The following UGDH variants were observed in gnomAD, a reference collection of about 807,000 sequenced individuals.
UGDH encodes UDP-Glc dehydrogenase.
Under a neutral mutation model 50.6 loss-of-function variants are expected in UGDH, and 38 were observed. That is an observed-to-expected ratio of 0.75 (90% CI 0.58 to 0.98). The LOEUF (loss-of-function observed/expected upper bound fraction) is 0.98. Ranked by LOEUF, UGDH falls within the 50% of genes least tolerant of loss-of-function variation. The pLI is 0.00. For synonymous variants in UGDH, 168 were observed against 199.9 expected, an observed-to-expected ratio of 0.84 and a Z score of 1.35; for missense variants, 465 against 606.2, an observed-to-expected ratio of 0.77 and a Z score of 2.45.
chr4:39,517,514 C>T (rs1276525484), intron 2 of UGDH, among the ~76,000 whole-genome samples: 2 of 152,080 alleles, frequency 1.3e-5, no homozygotes, highest in East Asian at 3.8e-4. Context: ...CCGGCCTAAA[C>T]TGTATTTTTT....
rs200881076 is a variant in UGDH at position 39,504,395 on chromosome 4, A to G, written c.1263+22T>C. The G allele has an allele frequency of 5.0e-6, 8 of 1,607,032 alleles. No individual in the cohort carries two copies. In the Admixed American group the frequency reaches 8.3e-5, roughly 17 times the overall value. ...GTGGAACACCTCTAGAATTTTCCTT[A>G]GTATCTTTTCTGTTACCTTACCTTA... is the stretch of plus-strand genomic sequence containing the variant. On this transcript the variant is annotated intron_variant, in intron 10 of 11. Transcript: ENST00000316423.
rs1047322157 is a variant in UGDH, at chr4:39,510,592, T to C, written c.466-42A>G. 9.9e-6 allele frequency: 16 copies of C among 1,613,718 alleles called. No homozygotes were observed. In the African/African-American group the frequency reaches 1.9e-4, roughly 19 times the overall value. On this transcript the variant is annotated intron_variant, in intron 4 of 11. Transcript: ENST00000316423. ...AAGGAAAGTTTTAAGCTAGAATTAA[T>C]TATGGGCAACTTTAACACATCAGTA...
At position 39,525,318 on chromosome 4, in the gene UGDH, C is replaced by T. The variant is rs551442975; in HGVS notation, c.-8+1965G>A. On this transcript the variant is annotated intron_variant, in intron 1 of 11. Coordinates refer to ENST00000316423, the MANE Select transcript of UGDH (RefSeq NM_003359.4). Reference sequence around the variant, plus strand: ...AAGCAATTCTCCTGCCTCAGCCTCCCGAGTAGCTGGGATTACAGGTGCCCA... The same window carrying T: ...AAGCAATTCTCCTGCCTCAGCCTCCTGAGTAGCTGGGATTACAGGTGCCCA... Among the ~76,000 whole-genome samples, 5 of 152,222 alleles carry T rather than the reference C, an allele frequency of 3.3e-5. No individual in the cohort carries two copies. In the East Asian group the frequency reaches 7.7e-4, roughly 24 times the overall value.
rs1162365973 is a variant in UGDH at position 39,503,939 on chromosome 4, A to G, written c.1310T>C (p.Phe437Ser). 1 of 1,614,196 alleles carries G rather than the reference A, an allele frequency of 6.2e-7. No homozygotes were observed. The highest frequency in any genetic ancestry group is 8.5e-7 in the Non-Finnish European group (1 of 1,180,026). ...CAGGACACGCCGTCCATCGAAGATA[A>G]AGGCTGGCTTTAGCATTTTTTTATG... ...RIHKKMLKPA[F>S]IFDGRRVLDG... The change falls in exon 11 of 12, where the codon TTT (phenylalanine) becomes TCT (serine). Residue 437 changes from phenylalanine to serine, a missense_variant. Phe to Ser is a radical substitution (Grantham distance 155). Coordinates refer to ENST00000316423, the MANE Select transcript of UGDH (RefSeq NM_003359.4).
chr4:39,521,179 A>G (rs1746645323), intron 2 of UGDH, among the ~76,000 whole-genome samples, 172 bp downstream of exon 2: 1 of 151,724 alleles, frequency 6.6e-6, no homozygotes, highest in African/African-American at 2.4e-5. Context: ...TTTCCTACCC[A>G]CATTACCCGA....
chr4:39,509,853 G>A lies in UGDH; in HGVS notation c.718C>T (p.Leu240=). The part of the protein sequence containing the change: ...RISSINSISA[L]CEATGADVEE... Reference sequence around the variant, plus strand: ...ACATCAGCTCCTGTTGCTTCACACAGAGCACTTATGGAGTTAATGCTGCTT... The same window carrying A: ...ACATCAGCTCCTGTTGCTTCACACAAAGCACTTATGGAGTTAATGCTGCTT... The change falls in exon 6 of 12, where the codon CTG becomes TTG. Residue 240 remains leucine (L), a synonymous_variant. Transcript: ENST00000316423. The A allele has an allele frequency of 6.2e-7, 1 of 1,612,498 alleles. No individual in the cohort carries two copies. Among genetic ancestry groups the A allele is most frequent in the Non-Finnish European group, 8.5e-7 (1 of 1,179,854 alleles).
At position 39,505,238 on chromosome 4, in the gene UGDH, T is replaced by C; in HGVS notation, c.1170A>G (p.Gln390=). The C allele has an allele frequency of 6.3e-7, 1 of 1,588,596 alleles. No homozygotes were observed. Among genetic ancestry groups the C allele is most frequent in the South Asian group, 1.2e-5 (1 of 83,030 alleles). The change falls in exon 9 of 12, where the codon CAA becomes CAG. Residue 390 remains glutamine, a splice_region_variant and synonymous_variant. Transcript: ENST00000316423. ...GATTCATGAGACTCAAAGCCTTACC[T>C]TGGTCATCCTCTGAAACACCTGGAT... ...LSHPGVSEDD[Q]VSRLVTISKD...
At chr4:39,521,892 T>A (rs551177191) in intron 1 of UGDH, among the ~76,000 whole-genome samples, 1 of 152,234 alleles carries the variant, frequency 6.6e-6, no homozygotes, top group Non-Finnish European at 1.5e-5. Context: ...AGGATGAACA[T>A]ACTTGTACGA....
At chr4:39,522,394 T>G (rs1006899978) in intron 1 of UGDH, among the ~76,000 whole-genome samples, 1 of 152,174 alleles carries the variant, frequency 6.6e-6, no homozygotes, top group Non-Finnish European at 1.5e-5. Context: ...ATTCACAGAT[T>G]CCAAAGAGAA....
chr4:39,503,854 AC>A lies in UGDH; in HGVS notation c.1374+20del, dbSNP rs1329221679. ...TAAAGACCAAACAAAAAGAAAAAAA[AC>A]AATCCAGGATCATGATTACCTGGAA... On this transcript the variant is annotated intron_variant, in intron 11 of 11. Coordinates refer to ENST00000316423, the MANE Select transcript of UGDH (RefSeq NM_003359.4). 1.2e-6 allele frequency: 2 copies of A among 1,605,228 alleles called. No homozygotes were observed. The highest frequency in any genetic ancestry group is 4.5e-5 in the East Asian group (2 of 44,808).
At chr4:39,521,855 C>T (rs1222186161) in intron 1 of UGDH, among the ~76,000 whole-genome samples, 1 of 152,160 alleles carries the variant, frequency 6.6e-6, no homozygotes, top group Non-Finnish European at 1.5e-5. Context: ...TACACTAGGA[C>T]AACTTTGATT....
At position 39,510,850 on chromosome 4, in the gene UGDH, T is replaced by C. The variant is rs779048436; in HGVS notation, c.276A>G (p.Pro92=). Residue 92 remains proline (P), a synonymous_variant, in exon 4 of 12, where the codon CCA becomes CCG. Transcript: ENST00000316423. ...ADLVFISVNT[P]TKTYGMGKGR... is the part of the protein sequence containing the mutation. ...CTTTCCCCATTCCATAGGTTTTTGT[T>C]GGAGTATTCACCTGATGTAAGTATA... is the stretch of plus-strand genomic sequence containing the variant. The C allele has an allele frequency of 5.6e-6, 9 of 1,614,048 alleles. No individual in the cohort carries two copies. Among genetic ancestry groups the C allele is most frequent in the Non-Finnish European group, 7.6e-6 (9 of 1,180,040 alleles).
chr4:39,504,265 G>A (rs1283720299), intron 10 of UGDH, 152 bp downstream of exon 10: 20 of 682,408 alleles, frequency 2.9e-5, no homozygotes, highest in East Asian at 1.7e-4. Context: ...CCGAGATTGC[G>A]CCACTGCACT....
intron 2 of UGDH, 136 bp from the exon 3 acceptor site, chr4:39,514,320 T>C: frequency 2.8e-6 from 2 of 717,012 alleles, no homozygotes; most frequent in African/African-American, 3.7e-5. Context: ...CAAATTACCT[T>C]TGTAGACAAG....
chr4:39,512,994 G>C (rs1028847335), intron 3 of UGDH, among the ~76,000 whole-genome samples: 1 of 151,996 alleles, frequency 6.6e-6, no homozygotes, highest in African/African-American at 2.4e-5. Flanking sequence ...GCTAAGTAGA[G>C]ACAGGGTTTC....
chr4:39,525,272 C>A (rs1416911646), intron 1 of UGDH, among the ~76,000 whole-genome samples: 1 of 152,162 alleles, frequency 6.6e-6, no homozygotes, highest in Non-Finnish European at 1.5e-5. Flanking sequence ...CGGCTCACTG[C>A]AACCTCCGTC....
intron 1 of UGDH, among the ~76,000 whole-genome samples, chr4:39,524,623 T>A (rs1297385636): frequency 4.6e-5 from 7 of 151,666 alleles, no homozygotes; most frequent in African/African-American, 1.7e-4. Context: ...CCACCTAGCC[T>A]CCCAAGTACC....
chr4:39,513,999 C>A, intron 3 of UGDH, 84 bp downstream of exon 3: 1 of 1,152,854 alleles, frequency 8.7e-7, no homozygotes. Context: ...GGCTTAATAC[C>A]AATGGATTTA....
intron 9 of UGDH, among the ~76,000 whole-genome samples, chr4:39,504,743 T>G (rs1745964085): frequency 6.6e-6 from 1 of 152,190 alleles, no homozygotes; most frequent in Non-Finnish European, 1.5e-5. Context: ...GACAAAGGAA[T>G]GATAAATGTC....
Sources: gnomAD v4.1 joint callset for allele counts (sites outside exome capture counted in the v4.1 genomes callset) on GRCh38, gnomAD v4.1.1 for gene constraint, MANE v1.5 for transcripts, NCBI Gene and HGNC (gene_info 2026-07-23, HGNC 2026-07-21) for gene names.